Variants in LCOR observed in about 807,000 individuals in gnomAD.
LCOR encodes ligand-dependent corepressor.
Under a neutral mutation model 64.4 loss-of-function variants are expected in LCOR, and 14 were observed. That is an observed-to-expected ratio of 0.22 (90% CI 0.14 to 0.34). The LOEUF (loss-of-function observed/expected upper bound fraction) is 0.34. Among genes scored for constraint, LCOR ranks in the 10% least tolerant of loss-of-function variants. The pLI is 1.00. For synonymous variants in LCOR, 643 were observed against 642.5 expected, an observed-to-expected ratio of 1.00 and a Z score of -0.01; for missense variants, 1,686 against 1,765.3, an observed-to-expected ratio of 0.96 and a Z score of 0.80.
In LCOR at chr10:96,981,410, T is replaced by C; in HGVS notation, c.950T>C (p.Val317Ala). The change falls in exon 8 of 8, where the codon GTA (valine) becomes GCA (alanine). Residue 317 changes from valine to alanine, a missense_variant. Around this residue, in one of 3 missense-constraint regions of LCOR, gnomAD observed 313 missense variants for 247.2 expected, o/e 1.27. Coordinates refer to ENST00000421806, the MANE Select transcript of LCOR (RefSeq NM_001346516.2). ...GKDHMQSSAL[V>A]ESLITVKMAA... ...GACCATATGCAGAGTTCAGCTTTAG[T>C]AGAAAGTCTAATTACAGTAAAAATG... 6.2e-7 allele frequency: 1 copy of C among 1,614,184 alleles called. No homozygotes were observed. The highest frequency in any genetic ancestry group is 8.5e-7 in the Non-Finnish European group (1 of 1,180,040).
At chr10:96,921,629 T>C (rs1287359088) in intron 4 of LCOR, among the ~76,000 whole-genome samples, 1 of 152,044 alleles carries the variant, frequency 6.6e-6, no homozygotes, top group Admixed American at 6.6e-5. Flanking sequence ...ACCTGGCTAA[T>C]TTTTTTGTAT....
At chr10:96,968,782 A>G (rs1183023002) in intron 7 of LCOR, among the ~76,000 whole-genome samples, 2 of 152,110 alleles carry the variant, frequency 1.3e-5, no homozygotes, top group Non-Finnish European at 2.9e-5. Flanking sequence ...AAAAAATCCA[A>G]AAATTAGCTG....
At position 96,949,342 on chromosome 10, in the gene LCOR, C is replaced by G. The variant is rs752853388; in HGVS notation, c.238+47C>G. 9.8e-6 allele frequency: 15 copies of G among 1,532,246 alleles called. No individual in the cohort carries two copies. The African/African-American group carries it at 1.4e-4, about 14-fold the overall frequency. 94.9% of individuals were successfully genotyped at this position (1,532,246 alleles called of 1,614,324 possible). ...TCCTCTATCTTATCAGAATACTTTA[C>G]TTTGGGGAGAAAAAAAAAAGCATTG... On this transcript the variant is annotated intron_variant, in intron 6 of 7. Coordinates refer to ENST00000421806, the MANE Select transcript of LCOR (RefSeq NM_001346516.2).
At chr10:96,937,817 A>ATGAG (rs1036215798) in intron 4 of LCOR, among the ~76,000 whole-genome samples, 164 of 152,398 alleles carry the variant, frequency 1.1e-3, no homozygotes, top group African/African-American at 3.6e-3. Context: ...AATACCATTT[A>ATGAG]TGAGTACCAG....
chr10:96,871,217 C>CTTTTT lies in LCOR; in HGVS notation c.-329-36038_-329-36034dup, dbSNP rs113618273. On this transcript the variant is annotated intron_variant, in intron 2 of 7. Transcript: ENST00000421806. ...GCTTACAGGCATGTGCCACACCTGG[C>CTTTTT]TTTTTTTTTTTTTTCCTCTTGTAGA... is the stretch of plus-strand genomic sequence containing the variant. Among the ~76,000 whole-genome samples the CTTTTT allele has an allele frequency of 1.9e-4, 27 of 140,020 alleles. No homozygotes were observed. The Middle Eastern group carries it at 0.011, about 57-fold the overall frequency. The allele number at this position is 140,020 out of a possible 152,430, so 91.9% of individuals were successfully genotyped here.
At position 96,984,294 on chromosome 10, in the gene LCOR, C is replaced by A. The variant is rs764040208; in HGVS notation, c.3834C>A (p.Pro1278=). The change falls in exon 8 of 8, where the codon CCC becomes CCA. Residue 1278 remains proline (P), a synonymous_variant. Transcript: ENST00000421806. ...CAGAAGATGGCAGTGATGTCAGCCC[C>A]GGCCCTAATTCTGAAGACAGCATAG... is the stretch of plus-strand genomic sequence containing the variant. ...VEPEDGSDVS[P]GPNSEDSIEE... is the part of the protein sequence containing the mutation. 6.2e-7 allele frequency: 1 copy of A among 1,614,112 alleles called. No homozygotes were observed. Among genetic ancestry groups the A allele is most frequent in the Admixed American group, 1.7e-5 (1 of 60,020 alleles).
rs1199363897 is a variant in LCOR at position 96,948,160 on chromosome 10, G to A, written c.-50-848G>A. ...TGCTAAAAGTTCTTCGAGTTAATGA[G>A]TTCTTATGGTTTAAACTTAACATTG... is the stretch of plus-strand genomic sequence containing the variant. On this transcript the variant is annotated intron_variant, in intron 5 of 7. Transcript: ENST00000421806. 2.0e-5 allele frequency among the ~76,000 whole-genome samples: 3 copies of A among 152,090 alleles called. No individual in the cohort carries two copies. In the East Asian group the frequency reaches 5.8e-4, roughly 29 times the overall value.
At chr10:96,920,645 T>C (rs1564626331) in intron 4 of LCOR, among the ~76,000 whole-genome samples, 4 of 139,612 alleles carry the variant, frequency 2.9e-5, no homozygotes, top group African/African-American at 1.2e-4. Flanking sequence ...CATATATGTG[T>C]ATATATGTGT....
In LCOR at chr10:96,983,533, A is replaced by G. The variant is rs572214135; in HGVS notation, c.3073A>G (p.Arg1025Gly). 3.1e-6 allele frequency: 5 copies of G among 1,614,116 alleles called. No individual in the cohort carries two copies. The South Asian group carries it at 3.3e-5, about 11-fold the overall frequency. Residue 1025 changes from arginine to glycine, a missense_variant, in exon 8 of 8, where the codon AGG (arginine) becomes GGG (glycine). By Grantham distance (125) the Arg-to-Gly change is moderately radical (BLOSUM62 -2). Transcript: ENST00000421806. The surrounding 1 kb of genome is among the most constrained non-coding windows in gnomAD (Gnocchi z 4.5). Reference sequence around the variant, plus strand: ...GAGTAGTGGAAGTGGTGATGCTGCTAGGGCACCAAAATCGGTGCCAAGGCC... The same window carrying G: ...GAGTAGTGGAAGTGGTGATGCTGCTGGGGCACCAAAATCGGTGCCAAGGCC... ...LSSSGSGDAA[R>G]APKSVPRPKR...
intron 4 of LCOR, among the ~76,000 whole-genome samples, chr10:96,940,250 C>G (rs997833117): frequency 1.4e-5 from 2 of 143,490 alleles, no homozygotes; most frequent in African/African-American, 5.2e-5. Context: ...TAACGTGATA[C>G]GGAAATTTAT....
intron 5 of LCOR, among the ~76,000 whole-genome samples, chr10:96,947,508 C>G (rs1468840387): frequency 6.6e-6 from 1 of 152,108 alleles, no homozygotes; most frequent in Non-Finnish European, 1.5e-5. Context: ...AAGTTCCTTA[C>G]AGCCCCAAAA....
At chr10:96,965,826 AATT>A (rs1291936154) in intron 7 of LCOR, among the ~76,000 whole-genome samples, 1 of 152,108 alleles carries the variant, frequency 6.6e-6, no homozygotes, top group African/African-American at 2.4e-5. Flanking sequence ...TAAGAAAGCT[AATT>A]ATTATTTTGC....
chr10:96,884,190 A>G (rs1846306705), intron 2 of LCOR, among the ~76,000 whole-genome samples: 1 of 152,202 alleles, frequency 6.6e-6, no homozygotes, highest in South Asian at 2.1e-4. Flanking sequence ...GAAGTTTTCC[A>G]GAGGTTATGG....
At chr10:96,894,030 G>A (rs535915518) in intron 2 of LCOR, among the ~76,000 whole-genome samples, 1 of 152,202 alleles carries the variant, frequency 6.6e-6, no homozygotes, top group African/African-American at 2.4e-5. Context: ...CAGCTGGAAG[G>A]GACTTTTGAA....
At chr10:96,840,429 G>A (rs568332021) in intron 2 of LCOR, among the ~76,000 whole-genome samples, 33 of 152,246 alleles carry the variant, frequency 2.2e-4, no homozygotes, top group African/African-American at 7.5e-4. Flanking sequence ...GAGGGTAATA[G>A]AAGGATCCTG....
At chr10:96,893,356 T>C (rs929440592) in intron 2 of LCOR, among the ~76,000 whole-genome samples, 3 of 152,228 alleles carry the variant, frequency 2.0e-5, no homozygotes, top group Non-Finnish European at 4.4e-5. Flanking sequence ...CCTAACACTT[T>C]ATAATATAAT....
intron 2 of LCOR, among the ~76,000 whole-genome samples, chr10:96,885,589 G>A (rs1263517787): frequency 1.4e-5 from 2 of 141,524 alleles, no homozygotes; most frequent in Non-Finnish European, 3.0e-5. Context: ...GTAGAGTCAA[G>A]GTCTTGCTGT....
chr10:96,983,014 A>G lies in LCOR; in HGVS notation c.2554A>G (p.Ser852Gly), dbSNP rs1848107480. 6.2e-7 allele frequency: 1 copy of G among 1,613,746 alleles called. No individual in the cohort carries two copies. The highest frequency in any genetic ancestry group is 8.5e-7 in the Non-Finnish European group (1 of 1,179,888). Reference protein sequence around the residue: ...CLEIKVPKNPSAKRSKKEGHP... With the variant: ...CLEIKVPKNPGAKRSKKEGHP... ...TGAAATCAAAGTTCCTAAAAATCCT[A>G]GTGCAAAACGTTCAAAAAAAGAAGG... is the stretch of plus-strand genomic sequence containing the variant. The change falls in exon 8 of 8, where the codon AGT (serine) becomes GGT (glycine). Residue 852 changes from serine (S) to glycine (G), a missense_variant. By Grantham distance (56) the Ser-to-Gly change is moderately conservative. This residue lies in a region of LCOR where 1,293 missense variants were observed against 1,410.4 expected (regional missense o/e 0.92). Transcript: ENST00000421806. This position sits in a 1 kb window ranked among gnomAD's most constrained non-coding sequence, Gnocchi z 4.5.
intron 2 of LCOR, among the ~76,000 whole-genome samples, chr10:96,876,460 A>G (rs969377182): frequency 3.9e-5 from 6 of 152,270 alleles, no homozygotes; most frequent in South Asian, 2.1e-4. Flanking sequence ...AAAGGCCTTT[A>G]AATTATAAAG....
Sources: allele counts gnomAD v4.1 joint callset (sites outside exome capture counted in the v4.1 genomes callset), GRCh38; gene constraint gnomAD v4.1.1; regional missense constraint gnomAD v4.1.1; non-coding constraint Gnocchi (gnomAD v3.1); transcripts MANE v1.5; gene names NCBI Gene and HGNC (gene_info 2026-07-23, HGNC 2026-07-21).